TAFA4: variants seen among roughly 807,000 people sequenced by gnomAD.
TAFA4 encodes the protein TAFA chemokine like family member 4, also known as chemokine-like protein TAFA-4.
Under a neutral mutation model 21.1 loss-of-function variants are expected in TAFA4, and 20 were observed. The observed-to-expected ratio is 0.95, with a 90% CI of 0.67 to 1.38. The LOEUF is 1.38. TAFA4 is among the 40% of genes most tolerant of loss of function. The pLI is 0.00. For synonymous variants in TAFA4, 71 were observed against 67.4 expected (o/e 1.05, Z -0.26); for missense variants, 211 against 180.9 (o/e 1.17, Z -0.95).
At chr3:68,764,695 G>T (rs1210024630) in intron 3 of TAFA4, among the ~76,000 whole-genome samples, 1 of 152,114 alleles carries the variant, frequency 6.6e-6, no homozygotes, top group Non-Finnish European at 1.5e-5. Flanking sequence ...GTTCCTGTTT[G>T]TCTGGCTCTG....
In TAFA4 at chr3:68,760,313, T is replaced by C. The variant is rs115739915; in HGVS notation, c.131-7295A>G. ...GAAAAGTTTCAAACAATAGAAAAAATACCCATTTGTCCCAGTGCAGACAGG... is the reference window on the plus strand; with the variant it reads ...GAAAAGTTTCAAACAATAGAAAAAACACCCATTTGTCCCAGTGCAGACAGG... On this transcript the variant is annotated intron_variant, in intron 3 of 5. Transcript: ENST00000295569. 5.7e-3 allele frequency among the ~76,000 whole-genome samples: 861 copies of C among 152,198 alleles called. 10 individuals are homozygous for C. Among genetic ancestry groups the C allele is most frequent in the African/African-American group, 0.019 (800 of 41,522 alleles).
chr3:68,902,875 C>T lies in TAFA4; in HGVS notation c.-122-17565G>A, dbSNP rs184903982. 5.1e-4 allele frequency among the ~76,000 whole-genome samples: 77 copies of T among 152,264 alleles called. No homozygotes were observed. In the Middle Eastern group the frequency reaches 0.017, roughly 34 times the overall value. ...GCAAAGTAGCAATCAGCAAACAGAT[C>T]CTGCTTGAGAAAACCTGACAACCCA... On this transcript the variant is annotated intron_variant, in intron 1 of 5. Coordinates refer to ENST00000295569, the MANE Select transcript of TAFA4 (RefSeq NM_182522.5).
At chr3:68,770,255 A>G (rs149924561) in intron 3 of TAFA4, among the ~76,000 whole-genome samples, 1 of 152,338 alleles carries the variant, frequency 6.6e-6, no homozygotes, top group African/African-American at 2.4e-5. Flanking sequence ...CTGCTTTAGG[A>G]ATGATGCCAA....
At chr3:68,859,263 T>C (rs979612350) in intron 3 of TAFA4, among the ~76,000 whole-genome samples, 3 of 152,194 alleles carry the variant, frequency 2.0e-5, no homozygotes, top group Non-Finnish European at 4.4e-5. Flanking sequence ...GTGGAAAAAT[T>C]ATGTATCACT....
At chr3:68,769,538 A>G (rs1225801004) in intron 3 of TAFA4, among the ~76,000 whole-genome samples, 1 of 152,218 alleles carries the variant, frequency 6.6e-6, no homozygotes, top group African/African-American at 2.4e-5. Context: ...ACAGTAGTGT[A>G]TATTTCAAAA....
intron 4 of TAFA4, among the ~76,000 whole-genome samples, chr3:68,749,553 T>G (rs1291060349): frequency 6.6e-6 from 1 of 152,172 alleles, no homozygotes; most frequent in Non-Finnish European, 1.5e-5. Context: ...TGGAAACATA[T>G]TCAGATAAGG....
intron 3 of TAFA4, among the ~76,000 whole-genome samples, chr3:68,790,573 G>C (rs1703343625): frequency 6.6e-6 from 1 of 152,202 alleles, no homozygotes. Context: ...AATGAGTCAT[G>C]TTATACAGTA....
At chr3:68,748,270 T>C (rs932028055) in intron 4 of TAFA4, among the ~76,000 whole-genome samples, 8 of 152,136 alleles carry the variant, frequency 5.3e-5, no homozygotes, top group African/African-American at 1.9e-4. Flanking sequence ...TTTGGCAAAA[T>C]CCTCTCTGTC....
chr3:68,809,767 G>A (rs550749372), intron 3 of TAFA4, among the ~76,000 whole-genome samples: 6 of 152,202 alleles, frequency 3.9e-5, no homozygotes, highest in African/African-American at 1.4e-4. Context: ...TCATCCTTCT[G>A]CATGTGGATA....
chr3:68,917,753 C>CCAAAAAAAAAAAAA (rs764665164), intron 1 of TAFA4, among the ~76,000 whole-genome samples: 2 of 58,202 alleles, frequency 3.4e-5, no homozygotes, highest in African/African-American at 1.3e-4. Context: ...GACTCTGTCT[C>CCAAAAAAAAAAAAA]AAAAAAAAAA....
intron 3 of TAFA4, among the ~76,000 whole-genome samples, chr3:68,811,848 G>C (rs996701609): frequency 6.6e-6 from 1 of 152,070 alleles, no homozygotes. Flanking sequence ...TCCTTGAGAA[G>C]AGCAACTCCA....
intron 3 of TAFA4, among the ~76,000 whole-genome samples, chr3:68,762,129 A>G (rs187125923): frequency 1.7e-3 from 251 of 152,012 alleles, no homozygotes; most frequent in African/African-American, 5.6e-3. Flanking sequence ...CCCAGAGGGA[A>G]AAACTGTAGC....
chr3:68,793,492 T>C (rs1229450720), intron 3 of TAFA4, among the ~76,000 whole-genome samples: 5 of 152,240 alleles, frequency 3.3e-5, no homozygotes, highest in African/African-American at 9.6e-5. Flanking sequence ...TTGCCGCTTA[T>C]GCAATAATTA....
intron 4 of TAFA4, among the ~76,000 whole-genome samples, chr3:68,741,785 C>G (rs755252110): frequency 4.0e-5 from 6 of 151,782 alleles, no homozygotes; most frequent in Non-Finnish European, 8.8e-5. Context: ...GAGCAAGACT[C>G]CATCTCAAAA....
At chr3:68,819,542 G>A (rs1704069719) in intron 3 of TAFA4, among the ~76,000 whole-genome samples, 1 of 152,080 alleles carries the variant, frequency 6.6e-6, no homozygotes, top group Non-Finnish European at 1.5e-5. Context: ...GATTGTATTT[G>A]CAAAACAAGA....
chr3:68,754,658 C>A (rs1702625099), intron 3 of TAFA4, among the ~76,000 whole-genome samples: 1 of 152,106 alleles, frequency 6.6e-6, no homozygotes, highest in Non-Finnish European at 1.5e-5. Flanking sequence ...TATTAGTAAG[C>A]ATTTTGAGGG....
chr3:68,905,521 G>A (rs1341658578), intron 1 of TAFA4, among the ~76,000 whole-genome samples: 1 of 152,072 alleles, frequency 6.6e-6, no homozygotes, highest in African/African-American at 2.4e-5. Flanking sequence ...GTCAGATACT[G>A]ACTTTAAAAT....
chr3:68,845,014 T>C (rs1294041871), intron 3 of TAFA4, among the ~76,000 whole-genome samples: 1 of 152,198 alleles, frequency 6.6e-6, no homozygotes, highest in Non-Finnish European at 1.5e-5. Context: ...GGAGGAGCGT[T>C]CTGTAGAGAT....
intron 4 of TAFA4, among the ~76,000 whole-genome samples, chr3:68,748,509 A>G (rs1002134806): frequency 1.3e-5 from 2 of 152,126 alleles, no homozygotes; most frequent in African/African-American, 4.8e-5. Context: ...TTGGGAGGCC[A>G]AGGCGGGTGG....
Sources: gnomAD v4.1 joint callset for allele counts (sites outside exome capture counted in the v4.1 genomes callset) on GRCh38, gnomAD v4.1.1 for gene constraint, MANE v1.5 for transcripts, NCBI Gene and HGNC (gene_info 2026-07-23, HGNC 2026-07-21) for gene names.